The following TP73 variants were observed in gnomAD, a reference collection of about 807,000 sequenced individuals.
TP73 encodes tumor protein p73.
A neutral mutation model predicts 62.5 loss-of-function variants in TP73; 25 were observed. That is an observed-to-expected ratio of 0.40 (90% CI 0.29 to 0.56). The LOEUF is 0.56. Ranked by LOEUF, TP73 falls within the 20% of genes least tolerant of loss-of-function variation. TP73 has a pLI of 0.46. For synonymous variants in TP73, 423 were observed against 377.5 expected (o/e 1.12, Z -1.40); for missense variants, 754 against 913.3 (o/e 0.83, Z 2.25).
chr1:3,677,311 C>A (rs891268254), intron 1 of TP73, among the ~76,000 whole-genome samples: 1 of 152,156 alleles, frequency 6.6e-6, no homozygotes, highest in African/African-American at 2.4e-5. Context: ...CCCTCGGTGG[C>A]TGGTCTTTGT....
chr1:3,720,591 G>A (rs930673398), intron 4 of TP73, among the ~76,000 whole-genome samples: 3 of 152,254 alleles, frequency 2.0e-5, no homozygotes, highest in Admixed American at 2.0e-4. Context: ...AGGAACAAGG[G>A]CACTCAGGGT....
Position 3,711,577 on chromosome 1 carries a change from G to A in TP73, c.429+3786G>A, listed in dbSNP as rs1209808749. 5.9e-5 allele frequency among the ~76,000 whole-genome samples: 9 copies of A among 152,360 alleles called. No individual in the cohort carries two copies. In the East Asian group the frequency reaches 1.7e-3, roughly 29 times the overall value. On this transcript the variant is annotated intron_variant, in intron 4 of 13. Transcript: ENST00000378295. The stretch of plus-strand genomic sequence containing the variant: ...GCTGTCCTTGGTGTTTGGGAAGTTT[G>A]GGGACGGGGCTCTGAGGTCAGGCAA...
At chr1:3,702,961 C>T (rs1311548666) in intron 3 of TP73, among the ~76,000 whole-genome samples, 3 of 152,188 alleles carry the variant, frequency 2.0e-5, no homozygotes, top group East Asian at 3.9e-4. Flanking sequence ...AGCTTGACCC[C>T]GAGCAGGAGC....
At chr1:3,728,998 GAGAGAGAGAC>G (rs1641904418) in intron 9 of TP73, among the ~76,000 whole-genome samples, 2 of 152,116 alleles carry the variant, frequency 1.3e-5, no homozygotes, top group Middle Eastern at 3.4e-3. Flanking sequence ...AAGAAAGAGA[GAGAGAGAGAC>G]AGAGAGACAG....
At chr1:3,722,666 TG>T (rs745530240) in intron 5 of TP73, among the ~76,000 whole-genome samples, 6 of 151,692 alleles carry the variant, frequency 4.0e-5, no homozygotes, top group Non-Finnish European at 7.4e-5. Flanking sequence ...CTGGCACAGC[TG>T]GGCGCCTCTC....
chr1:3,657,766 GC>G (rs1257397578), intron 1 of TP73, among the ~76,000 whole-genome samples: 1 of 152,124 alleles, frequency 6.6e-6, no homozygotes, highest in Non-Finnish European at 1.5e-5. Flanking sequence ...GGGATGGGCA[GC>G]CCCCCTCTCC....
chr1:3,717,255 C>T (rs1345362531), intron 4 of TP73, among the ~76,000 whole-genome samples: 1 of 152,244 alleles, frequency 6.6e-6, no homozygotes, highest in African/African-American at 2.4e-5. Flanking sequence ...CCCTCACCCA[C>T]CCCCGCACCA....
At chr1:3,710,859 C>T (rs1304969224) in intron 4 of TP73, among the ~76,000 whole-genome samples, 2 of 152,236 alleles carry the variant, frequency 1.3e-5, no homozygotes. Flanking sequence ...ACAGGCCTCC[C>T]CCCATCACTG....
intron 4 of TP73, among the ~76,000 whole-genome samples, chr1:3,715,128 C>T (rs1367721877): frequency 3.9e-5 from 6 of 152,180 alleles, no homozygotes; most frequent in African/African-American, 9.7e-5. Flanking sequence ...CTGTGTGAGT[C>T]TCAGTCTCTA....
chr1:3,688,105 A>G (rs1188203742), intron 3 of TP73, among the ~76,000 whole-genome samples: 1 of 152,116 alleles, frequency 6.6e-6, no homozygotes, highest in Non-Finnish European at 1.5e-5. Flanking sequence ...TAGCTGGAGG[A>G]AGGGTGGGGT....
In TP73 at chr1:3,725,228, CA is replaced by C. The variant is rs955784609; in HGVS notation, c.732+1760del. ...TCTGGGCTTGACCTCCAGCCTGTGTCAGGGGAGAAGGTTGGGGCAAACAGAC... is the reference window on the plus strand; with the variant it reads ...TCTGGGCTTGACCTCCAGCCTGTGTCGGGGAGAAGGTTGGGGCAAACAGAC... On this transcript the variant is annotated intron_variant, in intron 6 of 13. Transcript: ENST00000378295. 1.5e-4 allele frequency among the ~76,000 whole-genome samples: 23 copies of C among 152,204 alleles called. 1 individual carries two copies. Among genetic ancestry groups the C allele is most frequent in the African/African-American group, 5.5e-4 (23 of 41,532 alleles).
At position 3,733,115 on chromosome 1, in the gene TP73, G is replaced by C; in HGVS notation, c.*36G>C. 3 of 1,499,204 alleles carry C rather than the reference G, an allele frequency of 2.0e-6. No individual in the cohort carries two copies. The highest frequency in any genetic ancestry group is 2.8e-5 in the African/African-American group (2 of 72,470). The allele number at this position is 1,499,204 out of a possible 1,614,324, so 92.9% of individuals were successfully genotyped here. A position where few individuals can be genotyped will look rare whatever the true frequency, so the allele number is the denominator to read the frequency against. ...TGGCTGCAGCCTGCGCCACCGCCCA[G>C]AGACCCAAGCTGCCTCCCCTCTCCT... On this transcript the variant is annotated 3_prime_UTR_variant, in exon 14 of 14. Transcript: ENST00000378295.
chr1:3,674,710 C>T (rs1248038474), intron 1 of TP73, among the ~76,000 whole-genome samples: 1 of 152,218 alleles, frequency 6.6e-6, no homozygotes, highest in Non-Finnish European at 1.5e-5. Context: ...TTGGCCCCAG[C>T]CTGCCAAGCG....
rs544816270 is a variant in TP73 at position 3,695,235 on chromosome 1, G to A, written c.186+12055G>A. On this transcript the variant is annotated intron_variant, in intron 3 of 13. Coordinates refer to ENST00000378295, the MANE Select transcript of TP73 (RefSeq NM_005427.4). Reference sequence around the variant, plus strand: ...GAAGAGGCTGAGCGCTGGAGACGTCGGAGCTGGGTGCTGTCTACCAACACC... The same window carrying A: ...GAAGAGGCTGAGCGCTGGAGACGTCAGAGCTGGGTGCTGTCTACCAACACC... Among the ~76,000 whole-genome samples the A allele has an allele frequency of 2.4e-4, 37 of 152,332 alleles. No individual in the cohort carries two copies. The South Asian group carries it at 5.8e-3, about 24-fold the overall frequency.
Position 3,733,515 on chromosome 1 carries a change from C to T in TP73, c.*436C>T, listed in dbSNP as rs574579933. 12 of 209,704 alleles carry T rather than the reference C, an allele frequency of 5.7e-5. No individual in the cohort carries two copies. The South Asian group carries it at 1.1e-3, about 20-fold the overall frequency. The allele number at this position is 209,704 out of a possible 1,614,324, so 13.0% of individuals were successfully genotyped here. ...ACTGCCAAAAAGTATTTTGCGACAT[C>T]TTTTGGTTCTGGATAGTAGTGAGCA... On this transcript the variant is annotated 3_prime_UTR_variant, in exon 14 of 14. Transcript: ENST00000378295.
intron 1 of TP73, among the ~76,000 whole-genome samples, chr1:3,654,288 G>A (rs1644819385): frequency 6.6e-6 from 1 of 152,166 alleles, no homozygotes. Flanking sequence ...AGCGGGGCTT[G>A]TCTATGCGCG....
chr1:3,695,668 G>A (rs1423287675), intron 3 of TP73, among the ~76,000 whole-genome samples: 2 of 152,256 alleles, frequency 1.3e-5, no homozygotes, highest in Non-Finnish European at 2.9e-5. Context: ...CCTGGGGCGG[G>A]GGGAAGCCAA....
chr1:3,716,517 C>T (rs556829141), intron 4 of TP73, among the ~76,000 whole-genome samples: 63 of 152,382 alleles, frequency 4.1e-4, no homozygotes, highest in African/African-American at 1.4e-3. Flanking sequence ...TCCCCCTCCC[C>T]AGGCTAGTGG....
At chr1:3,727,846 G>A (rs1176615265) in intron 8 of TP73, 76 bp downstream of exon 8, 60 of 1,453,628 alleles carry the variant, frequency 4.1e-5, no homozygotes, top group Middle Eastern at 2.3e-4. Context: ...ATGTGAGCCC[G>A]CGTCCCAGGG....
Sources: gnomAD v4.1 joint callset for allele counts (sites outside exome capture counted in the v4.1 genomes callset) on GRCh38, gnomAD v4.1.1 for gene constraint, MANE v1.5 for transcripts, NCBI Gene and HGNC (gene_info 2026-07-23, HGNC 2026-07-21) for gene names.